PLCL2: variants seen among roughly 807,000 people sequenced by gnomAD.
The protein encoded by PLCL2 is phospholipase C like 2.
In PLCL2, 4 loss-of-function variants were observed where a neutral mutation model predicts 79.6. The ratio of observed to expected loss-of-function variants is 0.05; its 90% CI spans 0.02 to 0.11. The LOEUF is 0.11. Among genes scored for constraint, PLCL2 ranks in the 10% least tolerant of loss-of-function variants. The probability of loss-of-function intolerance (pLI) is 1.00; values close to 1 mark genes in which losing one functional copy is unlikely to be tolerated. For missense variants in PLCL2, 895 were observed against 1,291.0 expected, an observed-to-expected ratio of 0.69 and a Z score of 4.70; for synonymous variants, 484 against 457.7, an observed-to-expected ratio of 1.06 and a Z score of -0.73.
chr3:17,004,141 G>A (rs778870627), intron 1 of PLCL2, among the ~76,000 whole-genome samples: 2 of 152,020 alleles, frequency 1.3e-5, no homozygotes, highest in African/African-American at 4.8e-5. Flanking sequence ...CGTTCCCTTG[G>A]TTTCTGTGTG....
At chr3:17,031,929 C>CTTTTTTTT (rs35640259) in intron 3 of PLCL2, among the ~76,000 whole-genome samples, 7 of 109,046 alleles carry the variant, frequency 6.4e-5, no homozygotes, top group Admixed American at 2.8e-4. Context: ...CAATTTTCAC[C>CTTTTTTTT]TTTTTTTTTT....
intron 1 of PLCL2, among the ~76,000 whole-genome samples, chr3:16,960,932 A>G (rs1331650666): frequency 1.3e-5 from 2 of 152,248 alleles, no homozygotes; most frequent in Non-Finnish European, 2.9e-5. Flanking sequence ...ATCAGTTTAA[A>G]TACTTAGCAA....
chr3:16,940,146 A>G (rs957839419), intron 1 of PLCL2, among the ~76,000 whole-genome samples: 2 of 152,158 alleles, frequency 1.3e-5, no homozygotes, highest in African/African-American at 4.8e-5. Context: ...TCCCTCGTCC[A>G]GATGTCCCTC....
intron 1 of PLCL2, among the ~76,000 whole-genome samples, chr3:16,950,134 C>T (rs148012205): frequency 1.7e-3 from 263 of 152,264 alleles, no homozygotes; most frequent in Non-Finnish European, 3.0e-3. Flanking sequence ...TATTTGTTTG[C>T]TTTCCTTTTT....
At chr3:17,047,192 A>G (rs1256326973) in intron 4 of PLCL2, among the ~76,000 whole-genome samples, 4 of 152,228 alleles carry the variant, frequency 2.6e-5, no homozygotes, top group Admixed American at 2.6e-4. Flanking sequence ...AAAAGAAGGA[A>G]GGAATCAAGG....
chr3:17,080,438 C>G (rs984106187), intron 5 of PLCL2, among the ~76,000 whole-genome samples: 3 of 152,092 alleles, frequency 2.0e-5, no homozygotes, highest in African/African-American at 7.2e-5. Flanking sequence ...AGCCAAGACT[C>G]CTACAATCCA....
chr3:17,063,803 CTCCTTTCGCA>C (rs1249362072), intron 4 of PLCL2, among the ~76,000 whole-genome samples: 1 of 152,228 alleles, frequency 6.6e-6, no homozygotes, highest in Non-Finnish European at 1.5e-5. Flanking sequence ...CTGGGTCATG[CTCCTTTCGCA>C]TCCCCATAGT....
At chr3:17,060,858 A>AAT (rs2124937169) in intron 4 of PLCL2, among the ~76,000 whole-genome samples, 1 of 152,254 alleles carries the variant, frequency 6.6e-6, no homozygotes, top group South Asian at 2.1e-4. Flanking sequence ...TAAAAATATA[A>AAT]ATATATATTT....
At chr3:17,049,308 G>A (rs2064814838) in intron 4 of PLCL2, among the ~76,000 whole-genome samples, 2 of 152,162 alleles carry the variant, frequency 1.3e-5, no homozygotes, top group Non-Finnish European at 2.9e-5. Flanking sequence ...AAATGTCAAG[G>A]TAATAGGCGA....
intron 1 of PLCL2, among the ~76,000 whole-genome samples, chr3:16,986,704 C>T (rs1233760004): frequency 6.6e-6 from 1 of 151,982 alleles, no homozygotes; most frequent in African/African-American, 2.4e-5. Flanking sequence ...CACCTGGCCC[C>T]CTAGGGGTTC....
chr3:17,083,616 CCAAG>C (rs757347585), intron 5 of PLCL2, among the ~76,000 whole-genome samples: 1 of 152,118 alleles, frequency 6.6e-6, no homozygotes, highest in Non-Finnish European at 1.5e-5. Flanking sequence ...AGAATAAACT[CCAAG>C]AAAGATTATG....
At chr3:16,914,881 C>A (rs1306844890) in intron 1 of PLCL2, among the ~76,000 whole-genome samples, 1 of 151,992 alleles carries the variant, frequency 6.6e-6, no homozygotes, top group Non-Finnish European at 1.5e-5. Flanking sequence ...CAGTCAAATG[C>A]CACAATGTCC....
At chr3:16,987,507 A>T (rs532719931) in intron 1 of PLCL2, among the ~76,000 whole-genome samples, 1 of 152,256 alleles carries the variant, frequency 6.6e-6, no homozygotes, top group African/African-American at 2.4e-5. Context: ...TCTTTACAAC[A>T]TTGTTGAATT....
intron 3 of PLCL2, among the ~76,000 whole-genome samples, chr3:17,021,587 A>C (rs559239323): frequency 8.4e-4 from 101 of 120,222 alleles, no homozygotes; most frequent in African/African-American, 3.3e-3. Flanking sequence ...ATATTCTTAA[A>C]GTATTCTTAC....
intron 1 of PLCL2, among the ~76,000 whole-genome samples, chr3:16,978,250 G>C (rs1471056447): frequency 6.6e-6 from 1 of 152,204 alleles, no homozygotes; most frequent in Non-Finnish European, 1.5e-5. Context: ...TTATTGTTGA[G>C]AGGTGGACAA....
intron 1 of PLCL2, among the ~76,000 whole-genome samples, chr3:16,910,894 A>G (rs1165095714): frequency 1.3e-5 from 2 of 152,078 alleles, no homozygotes; most frequent in Non-Finnish European, 2.9e-5. Flanking sequence ...CTATCAACAA[A>G]CACTTTGGTT....
In PLCL2 at chr3:17,011,072, T is replaced by G; in HGVS notation, c.1726T>G (p.Cys576Gly). Residue 576 changes from cysteine (C) to glycine (G), a missense_variant, in exon 2 of 6, where the codon TGC becomes GGC. By Grantham distance (159) the Cys-to-Gly change is radical (BLOSUM62 -3). Around this residue, in one of 6 missense-constraint regions of PLCL2, gnomAD observed 242 missense variants for 399.5 expected, o/e 0.61. Coordinates refer to ENST00000615277, the MANE Select transcript of PLCL2 (RefSeq NM_001144382.2). The surrounding 1 kb of genome is among the most constrained non-coding windows in gnomAD (Gnocchi z 7.9). ...LIKAKKLSSN[C>G]SGVEGDVTDE... ...TAAAGCAAAGAAGCTGTCCTCAAAT[T>G]GCTCTGGGGTAGAAGGAGATGTTAC... The G allele has an allele frequency of 6.2e-7, 1 of 1,614,036 alleles. No individual in the cohort carries two copies. The highest frequency in any genetic ancestry group is 8.5e-7 in the Non-Finnish European group (1 of 1,180,004).
intron 3 of PLCL2, among the ~76,000 whole-genome samples, chr3:17,037,793 A>T (rs2124915957): frequency 6.6e-6 from 1 of 152,350 alleles, no homozygotes; most frequent in Non-Finnish European, 1.5e-5. Flanking sequence ...ATTGTCTGAA[A>T]TCAGACATAG....
chr3:16,977,587 G>T (rs185294299), intron 1 of PLCL2, among the ~76,000 whole-genome samples: 1 of 152,084 alleles, frequency 6.6e-6, no homozygotes, highest in East Asian at 1.9e-4. Context: ...GACCACTTAG[G>T]TATTTCTTAT....
Sources: gnomAD v4.1 joint callset for allele counts (sites outside exome capture counted in the v4.1 genomes callset) on GRCh38, gnomAD v4.1.1 for gene constraint, gnomAD v4.1.1 regional missense constraint, Gnocchi (gnomAD v3.1) non-coding constraint, MANE v1.5 for transcripts, NCBI Gene and HGNC (gene_info 2026-07-23, HGNC 2026-07-21) for gene names.